Variants in PDE7B observed in about 807,000 individuals in gnomAD.
PDE7B encodes 3',5'-cyclic-AMP phosphodiesterase 7B.
PDE7B carries 29 observed loss-of-function variants against 56.2 expected under a neutral mutation model. The observed-to-expected ratio is 0.52, with a 90% CI of 0.38 to 0.70. The LOEUF (loss-of-function observed/expected upper bound fraction) is 0.70, where lower values mean the gene tolerates loss of function less well. Ranked by LOEUF, PDE7B falls within the 30% of genes least tolerant of loss-of-function variation. The pLI, the probability that PDE7B is intolerant of heterozygous loss-of-function variation, is 0.00. For missense variants in PDE7B, 490 were observed against 565.0 expected (o/e 0.87, Z 1.35); for synonymous variants, 197 against 196.9 (o/e 1.00, Z 0.00).
At chr6:136,058,956 T>C (rs1776787417) in intron 2 of PDE7B, among the ~76,000 whole-genome samples, 1 of 152,034 alleles carries the variant, frequency 6.6e-6, no homozygotes, top group African/African-American at 2.4e-5. Context: ...ATAGCAGAAA[T>C]AGGATTAGAG....
At chr6:135,903,867 G>C (rs536174024) in intron 1 of PDE7B, among the ~76,000 whole-genome samples, 1 of 152,300 alleles carries the variant, frequency 6.6e-6, no homozygotes, top group East Asian at 1.9e-4. Flanking sequence ...GGGTGCCCTA[G>C]AAGGACCATT....
At position 135,940,333 on chromosome 6, in the gene PDE7B, G is replaced by A. The variant is rs142107817; in HGVS notation, c.22-7131G>A. ...GGGGTGGGTACCCAGCATTGAAAGT[G>A]CCCATAGCCTTCTATGTTCTGACTT... On this transcript the variant is annotated intron_variant, in intron 1 of 12. Coordinates refer to ENST00000308191, the MANE Select transcript of PDE7B (RefSeq NM_018945.4). Among the ~76,000 whole-genome samples the A allele has an allele frequency of 4.8e-3, 736 of 152,332 alleles. 18 individuals are homozygous for A. Among genetic ancestry groups the A allele is most frequent in the Admixed American group, 0.042 (641 of 15,298 alleles).
At chr6:135,986,882 G>A (rs758312772) in intron 2 of PDE7B, among the ~76,000 whole-genome samples, 2 of 152,186 alleles carry the variant, frequency 1.3e-5, no homozygotes, top group African/African-American at 2.4e-5. Context: ...TGTGTGACCA[G>A]TGCCGTCCTA....
Position 135,851,839 on chromosome 6 carries a change from A to C in PDE7B, c.-160A>C. Reference sequence around the variant, plus strand: ...TCCTTGTGTGCTTTTGTGTTTCTTTATTTCTTTTCCTTTTTTTTCTTTTTT... The same window carrying C: ...TCCTTGTGTGCTTTTGTGTTTCTTTCTTTCTTTTCCTTTTTTTTCTTTTTT... On this transcript the variant is annotated 5_prime_UTR_variant, in exon 1 of 13. Coordinates refer to ENST00000308191, the MANE Select transcript of PDE7B (RefSeq NM_018945.4). The C allele has an allele frequency of 1.6e-6, 1 of 616,836 alleles. No homozygotes were observed. Among genetic ancestry groups the C allele is most frequent in the Non-Finnish European group, 2.9e-6 (1 of 346,726 alleles). The allele number at this position is 616,836 out of a possible 1,614,324, so 38.2% of individuals were successfully genotyped here.
intron 2 of PDE7B, among the ~76,000 whole-genome samples, chr6:136,013,269 A>G (rs1357978057): frequency 1.3e-5 from 2 of 152,232 alleles, no homozygotes; most frequent in Non-Finnish European, 2.9e-5. Flanking sequence ...AAATTTCCTC[A>G]TAATAAATCT....
chr6:136,086,985 C>A (rs1256672795), intron 2 of PDE7B, among the ~76,000 whole-genome samples: 1 of 152,160 alleles, frequency 6.6e-6, no homozygotes, highest in Non-Finnish European at 1.5e-5. Flanking sequence ...CACAAGCCAA[C>A]TAGAAAAGGG....
chr6:135,922,499 C>T (rs1774102912), intron 1 of PDE7B, among the ~76,000 whole-genome samples: 1 of 152,098 alleles, frequency 6.6e-6, no homozygotes, highest in Admixed American at 6.5e-5. Flanking sequence ...TTTTATATGC[C>T]CTTTACTGCC....
At chr6:136,038,021 CAG>C in intron 2 of PDE7B, 1 of 1,311,912 alleles carries the variant, frequency 7.6e-7, no homozygotes. Flanking sequence ...AGTTTCTCAC[CAG>C]AGAGAAACCT....
intron 11 of PDE7B, among the ~76,000 whole-genome samples, chr6:136,183,072 C>CAAAAAAAAAAA (rs869296450): frequency 2.4e-3 from 121 of 50,504 alleles, no homozygotes; most frequent in African/African-American, 8.0e-3. Context: ...ACTCCGTCTC[C>CAAAAAAAAAAA]AAAAAAAAAA....
At chr6:135,942,387 ATATC>A (rs1774520674) in intron 1 of PDE7B, among the ~76,000 whole-genome samples, 1 of 152,160 alleles carries the variant, frequency 6.6e-6, no homozygotes, top group African/African-American at 2.4e-5. Flanking sequence ...AAAATTATAT[ATATC>A]TATTGTGTAC....
Position 135,930,419 on chromosome 6 carries a change from C to G in PDE7B, c.22-17045C>G, listed in dbSNP as rs75454011. On this transcript the variant is annotated intron_variant, in intron 1 of 12. Transcript: ENST00000308191. ...GGTTGTGGAGCAGGGATGTGACTGACTCAGGCAGTAGTAGATCACTCTGGC... is the reference window on the plus strand; with the variant it reads ...GGTTGTGGAGCAGGGATGTGACTGAGTCAGGCAGTAGTAGATCACTCTGGC... Among the ~76,000 whole-genome samples, 260 of 152,226 alleles carry G rather than the reference C, an allele frequency of 1.7e-3. 6 individuals are homozygous for G. In the East Asian group the frequency reaches 0.043, roughly 25 times the overall value.
intron 2 of PDE7B, among the ~76,000 whole-genome samples, chr6:136,104,715 ATGT>A (rs1173756516): frequency 6.6e-6 from 1 of 152,204 alleles, no homozygotes; most frequent in Non-Finnish European, 1.5e-5. Flanking sequence ...AACTGTTTTC[ATGT>A]TGTGAAATTT....
chr6:135,906,825 T>TTTTTTTTGTTTTTTTTTTTTG lies in PDE7B; in HGVS notation c.22-40632_22-40631insGTTTTTTTTTTTTGTTTTTTT, dbSNP rs1562434129. Among the ~76,000 whole-genome samples the TTTTTTTTGTTTTTTTTTTTTG allele has an allele frequency of 8.9e-4, 130 of 145,842 alleles. 4 individuals are homozygous for TTTTTTTTGTTTTTTTTTTTTG. Among genetic ancestry groups the TTTTTTTTGTTTTTTTTTTTTG allele is most frequent in the African/African-American group, 3.4e-3 (130 of 38,692 alleles). On this transcript the variant is annotated intron_variant, in intron 1 of 12. Coordinates refer to ENST00000308191, the MANE Select transcript of PDE7B (RefSeq NM_018945.4). ...AATGAGGTTTGTTTTTTTTTTTTTTTTTTTTTTTTTTAATCCTCTAGGCTT... is the reference window on the plus strand; with the variant it reads ...AATGAGGTTTGTTTTTTTTTTTTTTTTTTTTTTGTTTTTTTTTTTTGTTTTTTTTTTTAATCCTCTAGGCTT...
At chr6:135,950,200 G>A (rs184418246) in intron 2 of PDE7B, among the ~76,000 whole-genome samples, 2 of 152,174 alleles carry the variant, frequency 1.3e-5, no homozygotes, top group African/African-American at 4.8e-5. Context: ...TTATGAGCAC[G>A]TAAGTCCCTA....
At chr6:136,068,705 A>C (rs1335767981) in intron 2 of PDE7B, among the ~76,000 whole-genome samples, 1 of 152,126 alleles carries the variant, frequency 6.6e-6, no homozygotes, top group South Asian at 2.1e-4. Context: ...TGCTGGGATT[A>C]CAGGCGTGAG....
intron 2 of PDE7B, among the ~76,000 whole-genome samples, chr6:136,096,922 A>G (rs1777479610): frequency 6.6e-6 from 1 of 152,004 alleles, no homozygotes; most frequent in Non-Finnish European, 1.5e-5. Flanking sequence ...ACTAAATCCA[A>G]TGGACTTTGT....
chr6:136,018,940 G>A (rs576260511), intron 2 of PDE7B, among the ~76,000 whole-genome samples: 7 of 152,094 alleles, frequency 4.6e-5, no homozygotes, highest in Middle Eastern at 6.8e-3. Flanking sequence ...GTTCAGCAGT[G>A]TATGACTGGG....
intron 11 of PDE7B, among the ~76,000 whole-genome samples, 166 bp downstream of exon 11, chr6:136,181,489 C>A (rs9402793): frequency 6.6e-6 from 1 of 151,934 alleles, no homozygotes; most frequent in Non-Finnish European, 1.5e-5. Context: ...AACCCTTTTT[C>A]GGAAAAAGTT....
At chr6:136,081,606 G>A (rs2128215141) in intron 2 of PDE7B, among the ~76,000 whole-genome samples, 1 of 152,264 alleles carries the variant, frequency 6.6e-6, no homozygotes, top group African/African-American at 2.4e-5. Context: ...TCGCATTAGT[G>A]TTCTGTTTTC....
Sources: gnomAD v4.1 joint callset for allele counts (sites outside exome capture counted in the v4.1 genomes callset) on GRCh38, gnomAD v4.1.1 for gene constraint, MANE v1.5 for transcripts, NCBI Gene and HGNC (gene_info 2026-07-23, HGNC 2026-07-21) for gene names.